GMPS: variants seen among roughly 807,000 people sequenced by gnomAD.
GMPS encodes the protein GMP synthase [glutamine-hydrolyzing].
Under a neutral mutation model 77.9 loss-of-function variants are expected in GMPS, and 15 were observed. That is an observed-to-expected ratio of 0.19 (90% confidence interval 0.13 to 0.30). The LOEUF is 0.30. Ranked by LOEUF, GMPS falls within the 10% of genes least tolerant of loss-of-function variation. GMPS has a pLI of 1.00. For missense variants in GMPS, 590 were observed against 838.8 expected (o/e 0.70, Z 3.66); for synonymous variants, 224 against 275.9 (o/e 0.81, Z 1.86).
intron 5 of GMPS, among the ~76,000 whole-genome samples, chr3:155,909,246 A>G (rs919122056): frequency 2.0e-5 from 3 of 152,202 alleles, no homozygotes; most frequent in African/African-American, 4.8e-5. Context: ...CTATTGCCCC[A>G]TAGGTAATAT....
At chr3:155,922,086 G>A in intron 10 of GMPS, 101 bp from the exon 11 acceptor site, 1 of 557,862 alleles carries the variant, frequency 1.8e-6, no homozygotes, top group Non-Finnish European at 3.1e-6. Context: ...TTTTAATTTT[G>A]GAAAGGTTTT....
At chr3:155,935,133 T>C (rs1755731344) in intron 14 of GMPS, 87 bp downstream of exon 14, 2 of 840,554 alleles carry the variant, frequency 2.4e-6, no homozygotes, top group Admixed American at 4.3e-5. Flanking sequence ...GGCTTTTGCT[T>C]TTTAGATGCT....
chr3:155,870,424 C>G (rs1202644096), upstream of GMPS: 1 of 178,940 alleles, frequency 5.6e-6, no homozygotes, highest in Non-Finnish European at 1.2e-5. Context: ...GGGGCGGAGC[C>G]GGTGGATGCC....
intron 1 of GMPS, among the ~76,000 whole-genome samples, chr3:155,891,140 G>A (rs1754452384): frequency 6.6e-6 from 1 of 152,206 alleles, no homozygotes; most frequent in Non-Finnish European, 1.5e-5. Context: ...AGTAATGTAT[G>A]ATAACTGAAA....
chr3:155,914,849 AC>A (rs1452421812), intron 8 of GMPS, among the ~76,000 whole-genome samples: 1 of 151,622 alleles, frequency 6.6e-6, no homozygotes, highest in Non-Finnish European at 1.5e-5. Context: ...GCTCGCTGCA[AC>A]CTCTGCCTTC....
intron 1 of GMPS, among the ~76,000 whole-genome samples, chr3:155,892,182 C>T (rs1023252453): frequency 1.3e-5 from 2 of 152,018 alleles, no homozygotes; most frequent in African/African-American, 2.4e-5. Flanking sequence ...CTTCATCACT[C>T]TTAATATTTT....
intron 1 of GMPS, among the ~76,000 whole-genome samples, chr3:155,890,494 G>A (rs1351953217): frequency 6.6e-6 from 1 of 151,888 alleles, no homozygotes. Flanking sequence ...TAAAACTACT[G>A]TTTACTACAG....
At chr3:155,882,462 G>C (rs1181654945) in intron 1 of GMPS, among the ~76,000 whole-genome samples, 2 of 152,164 alleles carry the variant, frequency 1.3e-5, no homozygotes, top group Non-Finnish European at 2.9e-5. Context: ...AGTTGATTCA[G>C]ATGTTACCAG....
intron 4 of GMPS, among the ~76,000 whole-genome samples, chr3:155,904,938 A>T (rs1754834607): frequency 6.6e-6 from 1 of 152,178 alleles, no homozygotes; most frequent in Admixed American, 6.5e-5. Flanking sequence ...TCTTTTTGAC[A>T]TTAATGTACT....
At chr3:155,874,033 G>A (rs577427022) in intron 1 of GMPS, among the ~76,000 whole-genome samples, 1 of 152,074 alleles carries the variant, frequency 6.6e-6, no homozygotes, top group Admixed American at 6.6e-5. Context: ...TCCCTCACCC[G>A]CTTCCTACCC....
At chr3:155,929,124 A>T (rs1289557881) in intron 12 of GMPS, among the ~76,000 whole-genome samples, 3 of 151,668 alleles carry the variant, frequency 2.0e-5, no homozygotes, top group Non-Finnish European at 2.9e-5. Flanking sequence ...TGATTTCCAC[A>T]ATGGTTGAAC....
chr3:155,894,724 C>G (rs371124413), intron 2 of GMPS, among the ~76,000 whole-genome samples: 23 of 152,070 alleles, frequency 1.5e-4, no homozygotes, highest in Non-Finnish European at 4.4e-5. Context: ...GTTAAAAGAA[C>G]TTTTAAAGAC....
chr3:155,875,388 G>A (rs1313534222), intron 1 of GMPS, among the ~76,000 whole-genome samples: 1 of 151,796 alleles, frequency 6.6e-6, no homozygotes, highest in Non-Finnish European at 1.5e-5. Context: ...ATGCCGCCGT[G>A]CCTGGCTAAC....
In GMPS at chr3:155,941,873, A is replaced by T. The variant is rs933735846; in HGVS notation, c.*4181A>T. On this transcript the variant is annotated 3_prime_UTR_variant, in exon 16 of 16. Transcript: ENST00000496455. ...GTTTCACTTAATGGCAAGTGAAGAG[A>T]TATAGAATCCCCCAAAGAGTGTCAA... The T allele has an allele frequency of 4.7e-6, 1 of 214,116 alleles. No individual in the cohort carries two copies. Among genetic ancestry groups the T allele is most frequent in the Non-Finnish European group, 9.4e-6 (1 of 105,942 alleles). 13.3% of individuals were successfully genotyped at this position (214,116 alleles called of 1,614,324 possible).
chr3:155,942,368 G>A lies in GMPS; in HGVS notation c.*4676G>A, dbSNP rs1012275332. On this transcript the variant is annotated 3_prime_UTR_variant, in exon 16 of 16. Coordinates refer to ENST00000496455, the MANE Select transcript of GMPS (RefSeq NM_003875.3). The stretch of plus-strand genomic sequence containing the variant: ...CTCTCAGAGTGCTGGGATTACAGGC[G>A]TGAGCCACCACGCCCGGCAAGCATT... The A allele has an allele frequency of 2.9e-5, 6 of 204,458 alleles. No homozygotes were observed. The highest frequency in any genetic ancestry group is 1.9e-4 in the South Asian group (1 of 5,272). 12.7% of individuals were successfully genotyped at this position (204,458 alleles called of 1,614,324 possible).
intron 9 of GMPS, among the ~76,000 whole-genome samples, chr3:155,918,382 G>A (rs1486967156): frequency 6.6e-6 from 1 of 152,168 alleles, no homozygotes; most frequent in African/African-American, 2.4e-5. Flanking sequence ...AACCTGGGAG[G>A]CAGAGGTTGC....
rs1197739651 is a variant in GMPS, at chr3:155,941,963, C to G, written c.*4271C>G. On this transcript the variant is annotated 3_prime_UTR_variant, in exon 16 of 16. Transcript: ENST00000496455. ...CCTCAGTGTCTCACTGAACTCTAAC[C>G]TTTTTGTCAGTGTTCCTCAACACTG... 1.4e-5 allele frequency: 3 copies of G among 211,402 alleles called. No homozygotes were observed. Among genetic ancestry groups the G allele is most frequent in the African/African-American group, 2.3e-5 (1 of 44,114 alleles). 13.1% of individuals were successfully genotyped at this position (211,402 alleles called of 1,614,324 possible).
intron 1 of GMPS, among the ~76,000 whole-genome samples, chr3:155,888,497 A>G (rs1350586573): frequency 6.6e-6 from 1 of 151,398 alleles, no homozygotes; most frequent in African/African-American, 2.4e-5. Flanking sequence ...TGGCATGATT[A>G]TGACTCACTG....
At position 155,940,747 on chromosome 3, in the gene GMPS, T is replaced by TTG; in HGVS notation, c.*3056_*3057insGT. On this transcript the variant is annotated 3_prime_UTR_variant, in exon 16 of 16. Coordinates refer to ENST00000496455, the MANE Select transcript of GMPS (RefSeq NM_003875.3). ...ATGGAGAAGCTGGATAGTGTTTTTT[T>TTG]TTTTTTTTTTTAAGGTTCTTTTATC... 4.5e-6 allele frequency: 1 copy of TTG among 222,624 alleles called. No individual in the cohort carries two copies. The highest frequency in any genetic ancestry group is 9.0e-6 in the Non-Finnish European group (1 of 111,622). The allele number at this position is 222,624 out of a possible 1,614,324, so 13.8% of individuals were successfully genotyped here.
Sources: allele counts gnomAD v4.1 joint callset (sites outside exome capture counted in the v4.1 genomes callset), GRCh38; gene constraint gnomAD v4.1.1; transcripts MANE v1.5; gene names NCBI Gene and HGNC (gene_info 2026-07-23, HGNC 2026-07-21).